Variants in DCC observed in about 807,000 individuals in gnomAD.
The protein encoded by DCC is DCC netrin 1 receptor.
A neutral mutation model predicts 172.5 loss-of-function variants in DCC; 58 were observed. That is an observed-to-expected ratio of 0.34 (90% CI 0.27 to 0.42). DCC has a LOEUF of 0.42. Ranked by LOEUF, DCC falls within the 10% of genes least tolerant of loss-of-function variation. The pLI is 1.00. For missense variants in DCC, 1,740 were observed against 1,791.0 expected, an observed-to-expected ratio of 0.97 and a Z score of 0.51; for synonymous variants, 709 against 644.5, an observed-to-expected ratio of 1.10 and a Z score of -1.52.
At chr18:52,871,197 C>T (rs187919166) in intron 2 of DCC, among the ~76,000 whole-genome samples, 9 of 152,248 alleles carry the variant, frequency 5.9e-5, no homozygotes, top group Non-Finnish European at 8.8e-5. Flanking sequence ...CCAGCTGACA[C>T]GACCTCAAAA....
chr18:52,471,655 A>G (rs567755036), intron 1 of DCC, among the ~76,000 whole-genome samples: 1 of 152,320 alleles, frequency 6.6e-6, no homozygotes, highest in African/African-American at 2.4e-5. Flanking sequence ...ATATAGAGCT[A>G]AAGGAAGTGA....
At chr18:53,120,421 A>T (rs1249605607) in intron 7 of DCC, among the ~76,000 whole-genome samples, 1 of 151,836 alleles carries the variant, frequency 6.6e-6, no homozygotes, top group Non-Finnish European at 1.5e-5. Context: ...TGAATAAAAT[A>T]CTATAGCTGT....
intron 1 of DCC, among the ~76,000 whole-genome samples, chr18:52,495,107 C>G (rs1354166670): frequency 1.3e-5 from 2 of 152,072 alleles, no homozygotes; most frequent in Admixed American, 1.3e-4. Context: ...GGGCCCCTCC[C>G]CTGATGGGTC....
chr18:53,266,456 G>A (rs2056675936), intron 12 of DCC, among the ~76,000 whole-genome samples: 2 of 152,158 alleles, frequency 1.3e-5, no homozygotes, highest in Admixed American at 1.3e-4. Flanking sequence ...TCAAGGTGAA[G>A]TAATTTATTT....
chr18:53,343,931 T>G (rs1044439099), intron 15 of DCC, among the ~76,000 whole-genome samples: 2 of 152,044 alleles, frequency 1.3e-5, no homozygotes, highest in Admixed American at 1.3e-4. Flanking sequence ...GTTGGCACAG[T>G]TATTCATAAT....
In DCC at chr18:53,486,788, C is replaced by G. The variant is rs368686972; in HGVS notation, c.3737-9C>G. ...GTTCAAAAAACCCATTAACCTTTTT[C>G]TTTTGCAGCTGTCGTGAGCGCCATC... On this transcript the variant is annotated splice_polypyrimidine_tract_variant and intron_variant, in intron 25 of 28. Transcript: ENST00000442544. 20 of 1,613,952 alleles carry G rather than the reference C, an allele frequency of 1.2e-5. No individual in the cohort carries two copies. Among genetic ancestry groups the G allele is most frequent in the Admixed American group, 1.7e-5 (1 of 59,990 alleles).
intron 12 of DCC, among the ~76,000 whole-genome samples, chr18:53,242,252 T>C (rs1397240163): frequency 6.6e-6 from 1 of 152,140 alleles, no homozygotes; most frequent in Admixed American, 6.6e-5. Context: ...GAGAGCTAAT[T>C]GGCTAGTGTA....
chr18:53,004,774 G>A lies in DCC; in HGVS notation c.986-58531G>A, dbSNP rs529736773. ...TGTGCCAGTGCCCAGAGATGCCTGT[G>A]TGTGCAGGATCTGGTTATTCCTCCT... On this transcript the variant is annotated intron_variant, in intron 5 of 28. Coordinates refer to ENST00000442544, the MANE Select transcript of DCC (RefSeq NM_005215.4). 4.6e-5 allele frequency among the ~76,000 whole-genome samples: 7 copies of A among 152,206 alleles called. No individual in the cohort carries two copies. The East Asian group carries it at 1.4e-3, about 29-fold the overall frequency.
intron 1 of DCC, among the ~76,000 whole-genome samples, chr18:52,622,295 T>G (rs1188296687): frequency 6.6e-6 from 1 of 152,184 alleles, no homozygotes; most frequent in African/African-American, 2.4e-5. Context: ...CTAAGAGGCA[T>G]AGAAGTTTCT....
chr18:53,259,541 C>G (rs1212839286), intron 12 of DCC, among the ~76,000 whole-genome samples: 3 of 152,184 alleles, frequency 2.0e-5, no homozygotes, highest in Admixed American at 1.3e-4. Context: ...TATTGGCCCC[C>G]ACTCTCTTCT....
chr18:52,808,937 G>A (rs2038142287), intron 2 of DCC, among the ~76,000 whole-genome samples: 1 of 152,082 alleles, frequency 6.6e-6, no homozygotes, highest in South Asian at 2.1e-4. Flanking sequence ...TAAATTTTTG[G>A]CATGGGGATC....
intron 1 of DCC, among the ~76,000 whole-genome samples, chr18:52,532,267 A>G (rs1278246743): frequency 6.6e-6 from 1 of 152,240 alleles, no homozygotes; most frequent in Non-Finnish European, 1.5e-5. Flanking sequence ...TACATTTTGC[A>G]TGTGATTAAT....
chr18:53,249,113 G>A (rs2056398800), intron 12 of DCC, among the ~76,000 whole-genome samples: 2 of 151,976 alleles, frequency 1.3e-5, no homozygotes, highest in Non-Finnish European at 2.9e-5. Context: ...CTTTAGGACA[G>A]CTGGATCAGG....
chr18:52,681,410 C>T (rs1188881567), intron 1 of DCC, among the ~76,000 whole-genome samples: 1 of 151,950 alleles, frequency 6.6e-6, no homozygotes, highest in Non-Finnish European at 1.5e-5. Context: ...AAACACACAC[C>T]AAAAATTTAA....
At chr18:53,349,093 C>T (rs902826699) in intron 15 of DCC, among the ~76,000 whole-genome samples, 1 of 152,160 alleles carries the variant, frequency 6.6e-6, no homozygotes, top group Admixed American at 6.6e-5. Context: ...CTTTGGTTCC[C>T]TTATAAAACT....
At chr18:52,597,850 C>T (rs996474153) in intron 1 of DCC, among the ~76,000 whole-genome samples, 2 of 152,166 alleles carry the variant, frequency 1.3e-5, no homozygotes, top group African/African-American at 4.8e-5. Context: ...TGGTTGCAAG[C>T]TCATTTGCAA....
At chr18:53,312,153 CAAAAAAAA>C (rs895203731) in intron 13 of DCC, among the ~76,000 whole-genome samples, 1 of 26,732 alleles carries the variant, frequency 3.7e-5, no homozygotes, top group Non-Finnish European at 6.7e-5. Context: ...GCTAAAAATA[CAAAAAAAA>C]AAAAAAAAAA....
At chr18:53,291,512 T>A (rs1319110524) in intron 12 of DCC, among the ~76,000 whole-genome samples, 3 of 152,188 alleles carry the variant, frequency 2.0e-5, no homozygotes, top group Non-Finnish European at 4.4e-5. Context: ...CTAGTTTCCA[T>A]GTTCCAAAAC....
intron 2 of DCC, among the ~76,000 whole-genome samples, chr18:52,839,791 T>C (rs2038772435): frequency 6.6e-6 from 1 of 152,190 alleles, no homozygotes; most frequent in South Asian, 2.1e-4. Context: ...GGATTAGGTG[T>C]TACATTTTGT....
Sources: gnomAD v4.1 joint callset for allele counts (sites outside exome capture counted in the v4.1 genomes callset) on GRCh38, gnomAD v4.1.1 for gene constraint, MANE v1.5 for transcripts, NCBI Gene and HGNC (gene_info 2026-07-23, HGNC 2026-07-21) for gene names.